CADM2: variants seen among roughly 807,000 people sequenced by gnomAD.
CADM2 encodes cell adhesion molecule 2.
CADM2 carries 12 observed loss-of-function variants against 49.8 expected under a neutral mutation model. The ratio of observed to expected loss-of-function variants is 0.24; its 90% confidence interval spans 0.15 to 0.39. CADM2 has a LOEUF of 0.39. Among genes scored for constraint, CADM2 ranks in the 10% least tolerant of loss-of-function variants. The pLI is 1.00. For missense variants in CADM2, 378 were observed against 492.3 expected, an observed-to-expected ratio of 0.77 and a Z score of 2.20; for synonymous variants, 214 against 175.4, an observed-to-expected ratio of 1.22 and a Z score of -1.74.
At chr3:85,461,699 C>A (rs2038253689) in intron 1 of CADM2, among the ~76,000 whole-genome samples, 1 of 152,110 alleles carries the variant, frequency 6.6e-6, no homozygotes, top group Admixed American at 6.6e-5. Context: ...CTATTCTAAT[C>A]CATTCTATTT....
chr3:85,058,763 G>T (rs977060058), intron 1 of CADM2, among the ~76,000 whole-genome samples: 7 of 151,938 alleles, frequency 4.6e-5, no homozygotes, highest in Non-Finnish European at 8.8e-5. Flanking sequence ...TTTAAATGTA[G>T]TATTGGTGCT....
chr3:85,895,919 T>G (rs1383079187), intron 5 of CADM2, among the ~76,000 whole-genome samples: 1 of 152,176 alleles, frequency 6.6e-6, no homozygotes, highest in East Asian at 1.9e-4. Flanking sequence ...AAACCTCTTT[T>G]TCTTTATAAA....
chr3:85,864,369 C>T (rs1368505618), intron 3 of CADM2, among the ~76,000 whole-genome samples: 1 of 152,086 alleles, frequency 6.6e-6, no homozygotes, highest in Non-Finnish European at 1.5e-5. Flanking sequence ...GATTAGTATT[C>T]TTTGCATTTA....
chr3:85,313,161 C>G (rs2044387041), intron 1 of CADM2, among the ~76,000 whole-genome samples: 1 of 152,184 alleles, frequency 6.6e-6, no homozygotes, highest in Non-Finnish European at 1.5e-5. Context: ...CTTGCTTTCT[C>G]TCAGGCAAGC....
intron 5 of CADM2, among the ~76,000 whole-genome samples, chr3:85,892,595 A>T (rs996793218): frequency 3.9e-5 from 6 of 152,138 alleles, no homozygotes; most frequent in South Asian, 4.1e-4. Flanking sequence ...ACCATGTAAG[A>T]TGTGCCTTTG....
chr3:86,024,400 T>A (rs181284508), intron 8 of CADM2, among the ~76,000 whole-genome samples: 1 of 152,324 alleles, frequency 6.6e-6, no homozygotes, highest in East Asian at 1.9e-4. Flanking sequence ...ACATTAGAAT[T>A]TTCAAAGCGA....
intron 1 of CADM2, among the ~76,000 whole-genome samples, chr3:85,262,856 C>A (rs2043041930): frequency 6.6e-6 from 1 of 152,008 alleles, no homozygotes; most frequent in Non-Finnish European, 1.5e-5. Flanking sequence ...AATCAAAATG[C>A]ATTGATTTAA....
chr3:85,058,618 A>T (rs958256897), intron 1 of CADM2, among the ~76,000 whole-genome samples: 2 of 151,534 alleles, frequency 1.3e-5, no homozygotes, highest in African/African-American at 2.4e-5. Context: ...CTAATTTTGT[A>T]TGTTTTTGTA....
chr3:85,960,389 T>C (rs923886529), intron 7 of CADM2, among the ~76,000 whole-genome samples: 1 of 151,938 alleles, frequency 6.6e-6, no homozygotes, highest in African/African-American at 2.4e-5. Context: ...TTCCATGTGA[T>C]AAAATTATGC....
chr3:85,099,867 GC>G (rs1233576315), intron 1 of CADM2, among the ~76,000 whole-genome samples: 2 of 152,304 alleles, frequency 1.3e-5, no homozygotes, highest in South Asian at 4.1e-4. Flanking sequence ...TTAGTGTTAA[GC>G]TTTTCTGGAA....
intron 1 of CADM2, among the ~76,000 whole-genome samples, chr3:85,321,091 C>T (rs1416149759): frequency 1.5e-5 from 1 of 64,738 alleles, no homozygotes; most frequent in Non-Finnish European, 2.7e-5. Flanking sequence ...TAGATATATA[C>T]ATATATATAT....
At chr3:85,882,355 G>A (rs1267660586) in intron 3 of CADM2, among the ~76,000 whole-genome samples, 2 of 152,046 alleles carry the variant, frequency 1.3e-5, no homozygotes, top group South Asian at 2.1e-4. Context: ...ATTGTTGGAT[G>A]GATTCTCATT....
chr3:85,101,695 T>A (rs570767001), intron 1 of CADM2, among the ~76,000 whole-genome samples: 1 of 152,358 alleles, frequency 6.6e-6, no homozygotes, highest in African/African-American at 2.4e-5. Context: ...ATTGTGTTTC[T>A]AAAATTGTAT....
chr3:85,532,197 A>T lies in CADM2; in HGVS notation c.62-194325A>T, dbSNP rs975129691. On this transcript the variant is annotated intron_variant, in intron 1 of 9. Transcript: ENST00000383699. ...GTCTCAAAAATAATAATAATAATAA[A>T]AAAATAAAAATAGTGTTGCAGGAAA... Among the ~76,000 whole-genome samples, 7 of 140,004 alleles carry T rather than the reference A, an allele frequency of 5.0e-5. No homozygotes were observed. In the South Asian group the frequency reaches 1.2e-3, roughly 24 times the overall value. 91.8% of individuals were successfully genotyped at this position (140,004 alleles called of 152,430 possible).
intron 8 of CADM2, among the ~76,000 whole-genome samples, chr3:86,064,880 C>G (rs1023770256): frequency 6.6e-6 from 1 of 152,160 alleles, no homozygotes; most frequent in Non-Finnish European, 1.5e-5. Flanking sequence ...ATCACAAGTT[C>G]CACCGGCATC....
At chr3:85,893,432 A>G (rs1195786134) in intron 5 of CADM2, among the ~76,000 whole-genome samples, 1 of 152,222 alleles carries the variant, frequency 6.6e-6, no homozygotes. Context: ...GGACATAGGC[A>G]TGGGCAAGGG....
At chr3:85,726,019 A>C (rs928492855) in intron 1 of CADM2, among the ~76,000 whole-genome samples, 2 of 151,976 alleles carry the variant, frequency 1.3e-5, no homozygotes, top group African/African-American at 4.8e-5. Flanking sequence ...TCTATGAGGA[A>C]GGGCAACAAA....
chr3:85,936,946 A>G (rs188749040), intron 7 of CADM2, among the ~76,000 whole-genome samples: 107 of 151,794 alleles, frequency 7.0e-4, no homozygotes, highest in African/African-American at 2.5e-3. Context: ...CCAAAAGTAC[A>G]TTTGTATACA....
At chr3:85,614,537 TATTGTTTTG>T (rs2063751970) in intron 1 of CADM2, among the ~76,000 whole-genome samples, 1 of 151,848 alleles carries the variant, frequency 6.6e-6, no homozygotes, top group Non-Finnish European at 1.5e-5. Flanking sequence ...GATAAAATAA[TATTGTTTTG>T]ATTATATTCT....
Sources: allele counts gnomAD v4.1 joint callset (sites outside exome capture counted in the v4.1 genomes callset), GRCh38; gene constraint gnomAD v4.1.1; transcripts MANE v1.5; gene names NCBI Gene and HGNC (gene_info 2026-07-23, HGNC 2026-07-21).